The following ITGA8 variants were observed in gnomAD, a reference collection of about 807,000 sequenced individuals.
The protein encoded by ITGA8 is integrin alpha-8.
ITGA8 carries 91 observed loss-of-function variants against 142.3 expected under a neutral mutation model. The ratio of observed to expected loss-of-function variants is 0.64; its 90% confidence interval spans 0.54 to 0.76. The LOEUF is 0.76. ITGA8 is among the 30% of genes least tolerant of loss of function. The pLI is 0.00. For missense variants in ITGA8, 1,406 were observed against 1,327.7 expected (o/e 1.06, Z -0.92); for synonymous variants, 505 against 485.2 (o/e 1.04, Z -0.54).
rs530308920 is a variant in ITGA8, at chr10:15,704,445, A to C, written c.343+14321T>G. On this transcript the variant is annotated intron_variant, in intron 2 of 29. Transcript: ENST00000378076. Reference sequence around the variant, plus strand: ...AATCTCAACTTTTCTCAAATGCGAAACCAGGTTTACAAAACCCTTCCCCTG... The same window carrying C: ...AATCTCAACTTTTCTCAAATGCGAACCCAGGTTTACAAAACCCTTCCCCTG... Among the ~76,000 whole-genome samples, 3 of 152,292 alleles carry C rather than the reference A, an allele frequency of 2.0e-5. No homozygotes were observed. In the East Asian group the frequency reaches 5.8e-4, roughly 29 times the overall value.
chr10:15,635,627 T>C (rs948943150), intron 13 of ITGA8, among the ~76,000 whole-genome samples: 21 of 152,178 alleles, frequency 1.4e-4, no homozygotes, highest in African/African-American at 4.8e-4. Context: ...TTCAATTTGA[T>C]CTACATGCAT....
chr10:15,545,023 G>A (rs2122938), intron 27 of ITGA8, among the ~76,000 whole-genome samples: 77,144 of 152,062 alleles, frequency 0.51, 23,497 homozygotes, highest in Middle Eastern at 0.68. Flanking sequence ...AACCTCAGGA[G>A]AGACACTGAA....
Position 15,613,710 on chromosome 10 carries a change from A to G in ITGA8, c.1503T>C (p.Asn501=), listed in dbSNP as rs1220629806. Residue 501 remains asparagine, a synonymous_variant, in exon 15 of 30, where the codon AAT becomes AAC. Coordinates refer to ENST00000378076, the MANE Select transcript of ITGA8 (RefSeq NM_003638.3). ...GAACCTGGCAAGTTTTATTTTCAAG[A>G]TTGATAATCATTGGGTGCAGCAGAA... ...AQLLLHPMII[N]LENKTCQVPD... The G allele has an allele frequency of 1.2e-6, 2 of 1,614,150 alleles. No individual in the cohort carries two copies. Among genetic ancestry groups the G allele is most frequent in the Non-Finnish European group, 1.7e-6 (2 of 1,179,980 alleles).
At chr10:15,612,848 C>T (rs1833322740) in intron 15 of ITGA8, among the ~76,000 whole-genome samples, 1 of 152,158 alleles carries the variant, frequency 6.6e-6, no homozygotes, top group Admixed American at 6.5e-5. Flanking sequence ...TAAATTAACC[C>T]AGTAAATTGA....
intron 27 of ITGA8, among the ~76,000 whole-genome samples, chr10:15,536,414 A>ATCAGAGGCATG (rs1411158853): frequency 6.6e-6 from 1 of 152,210 alleles, no homozygotes; most frequent in East Asian, 1.9e-4. Flanking sequence ...TGCGTTGTAG[A>ATCAGAGGCATG]TCAGAGGCAT....
At chr10:15,563,993 T>A (rs1834030966) in intron 25 of ITGA8, among the ~76,000 whole-genome samples, 2 of 152,170 alleles carry the variant, frequency 1.3e-5, no homozygotes, top group Admixed American at 1.3e-4. Context: ...CAGATGTATC[T>A]TGTGTACAAA....
intron 23 of ITGA8, among the ~76,000 whole-genome samples, 159 bp downstream of exon 23, chr10:15,586,425 T>C (rs1832834118): frequency 6.6e-6 from 1 of 152,186 alleles, no homozygotes; most frequent in African/African-American, 2.4e-5. Flanking sequence ...TGCTTTCCAA[T>C]GGAAGGCTAA....
intron 25 of ITGA8, among the ~76,000 whole-genome samples, chr10:15,569,255 A>C (rs1834134124): frequency 6.6e-6 from 1 of 152,188 alleles, no homozygotes; most frequent in African/African-American, 2.4e-5. Context: ...CTGGGGAGAG[A>C]GCGCCTCTCT....
At chr10:15,519,438 G>A (rs1271245105) in intron 28 of ITGA8, 26 bp from the exon 29 acceptor site, 2 of 1,611,694 alleles carry the variant, frequency 1.2e-6, no homozygotes, top group African/African-American at 1.3e-5. Flanking sequence ...AAGCAAATGA[G>A]CTCTAATGCG....
At chr10:15,597,963 A>G (rs7916993) in intron 20 of ITGA8, among the ~76,000 whole-genome samples, 7,626 of 152,216 alleles carry the variant, frequency 0.05, 320 homozygotes, top group African/African-American at 0.1. Context: ...AACAGATGAG[A>G]GGGGAAATAC....
intron 1 of ITGA8, 54 bp downstream of exon 1, chr10:15,719,509 T>C (rs922114328): frequency 1.4e-6 from 2 of 1,461,390 alleles, no homozygotes; most frequent in African/African-American, 3.0e-5. Context: ...CGCTGGGACC[T>C]GACCCGGGAG....
chr10:15,660,840 G>A (rs1205599014), intron 9 of ITGA8, 39 bp downstream of exon 9: 1 of 1,553,248 alleles, frequency 6.4e-7, no homozygotes, highest in Admixed American at 1.7e-5. Flanking sequence ...ACCTATACAA[G>A]AAAATACCCT....
chr10:15,697,046 A>AACACACACACACAC (rs1491456295), intron 2 of ITGA8, among the ~76,000 whole-genome samples: 2,517 of 147,492 alleles, frequency 0.017, 70 homozygotes, highest in African/African-American at 0.054. Context: ...TTGTCTCTAA[A>AACACACACACACAC]ACACACACAC....
In ITGA8 at chr10:15,668,911, C is replaced by G. The variant is rs545106606; in HGVS notation, c.847+2692G>C. 6.1e-4 allele frequency among the ~76,000 whole-genome samples: 93 copies of G among 152,296 alleles called. 1 individual carries two copies. Among genetic ancestry groups the G allele is most frequent in the African/African-American group, 1.5e-3 (63 of 41,574 alleles). On this transcript the variant is annotated intron_variant, in intron 8 of 29. Coordinates refer to ENST00000378076, the MANE Select transcript of ITGA8 (RefSeq NM_003638.3). ...TTAGCTGTTAGTCTGATGGGCTTCCCTTTGTGGGTAACCCGACCTTTCTCT... is the reference window on the plus strand; with the variant it reads ...TTAGCTGTTAGTCTGATGGGCTTCCGTTTGTGGGTAACCCGACCTTTCTCT...
At position 15,709,441 on chromosome 10, in the gene ITGA8, CTCA is replaced by C. The variant is rs1835323876; in HGVS notation, c.343+9322_343+9324del. On this transcript the variant is annotated intron_variant, in intron 2 of 29. Transcript: ENST00000378076. The stretch of plus-strand genomic sequence containing the variant: ...GAAATGCTCTAGGTAGATTTTATAA[CTCA>C]TCATATATAATGTTTTAAAGGAAAA... Among the ~76,000 whole-genome samples the C allele has an allele frequency of 2.0e-5, 3 of 152,140 alleles. No homozygotes were observed. In the South Asian group the frequency reaches 6.2e-4, roughly 32 times the overall value.
intron 4 of ITGA8, among the ~76,000 whole-genome samples, chr10:15,680,115 G>A (rs140365780): frequency 2.2e-3 from 328 of 151,996 alleles, no homozygotes; most frequent in Non-Finnish European, 3.5e-3. Context: ...AATGGACCTG[G>A]CCTTTCCGGC....
intron 13 of ITGA8, among the ~76,000 whole-genome samples, chr10:15,617,643 C>T (rs1159015336): frequency 1.3e-5 from 2 of 151,972 alleles, no homozygotes; most frequent in Admixed American, 1.3e-4. Context: ...TCATGATCCA[C>T]CCGCCTCGGC....
chr10:15,576,454 C>G (rs1451601305), intron 23 of ITGA8, among the ~76,000 whole-genome samples: 1 of 152,130 alleles, frequency 6.6e-6, no homozygotes, highest in East Asian at 1.9e-4. Flanking sequence ...TCAAAACAAA[C>G]CAATGTTTTC....
intron 4 of ITGA8, among the ~76,000 whole-genome samples, chr10:15,681,219 G>C (rs1320261311): frequency 6.6e-6 from 1 of 152,148 alleles, no homozygotes; most frequent in African/African-American, 2.4e-5. Context: ...TAATATTGCT[G>C]ATGTTTCCTG....
Sources: allele counts gnomAD v4.1 joint callset (sites outside exome capture counted in the v4.1 genomes callset), GRCh38; gene constraint gnomAD v4.1.1; transcripts MANE v1.5; gene names NCBI Gene and HGNC (gene_info 2026-07-23, HGNC 2026-07-21).